Variants in TMC5 observed in about 807,000 individuals in gnomAD.
TMC5 encodes transmembrane channel-like protein 5.
A neutral mutation model predicts 110.5 loss-of-function variants in TMC5; 86 were observed. That is an observed-to-expected ratio of 0.78 (90% CI 0.65 to 0.93). The LOEUF (loss-of-function observed/expected upper bound fraction) is 0.93, where lower values mean the gene tolerates loss of function less well. TMC5 is among the 40% of genes least tolerant of loss of function. TMC5 has a pLI of 0.00. For synonymous variants in TMC5, 455 were observed against 439.5 expected (o/e 1.04, Z -0.44); for missense variants, 1,144 against 1,222.8 (o/e 0.94, Z 0.96).
intron 4 of TMC5, among the ~76,000 whole-genome samples, chr16:19,445,405 GCA>G (rs1206387537): frequency 1.3e-5 from 2 of 151,884 alleles, no homozygotes; most frequent in Non-Finnish European, 2.9e-5. Flanking sequence ...ACCATGCCTG[GCA>G]CTTTTTTTAT....
intron 5 of TMC5, among the ~76,000 whole-genome samples, chr16:19,454,649 T>A (rs549864540): frequency 6.6e-6 from 1 of 152,162 alleles, no homozygotes; most frequent in Non-Finnish European, 1.5e-5. Flanking sequence ...TAGTTCAATT[T>A]TGACATTTAA....
chr16:19,492,447 T>C, intron 19 of TMC5: 2 of 366,814 alleles, frequency 5.5e-6, no homozygotes, highest in East Asian at 8.4e-5. Context: ...ATTATGATGA[T>C]TATTATTATT....
rs112601330 is a variant in TMC5, at chr16:19,431,544, GAAA to G, written c.-80+917_-80+919del. ...GCAACAGGAGGGACCTTCCATCTCA[GAAA>G]AAAAAAAAAAAAGAAGAAGAAGAAG... On this transcript the variant is annotated intron_variant, in intron 2 of 21. Transcript: ENST00000542583. 5.6e-5 allele frequency among the ~76,000 whole-genome samples: 7 copies of G among 124,352 alleles called. No individual in the cohort carries two copies. In the East Asian group the frequency reaches 7.0e-4, roughly 12 times the overall value. The allele number at this position is 124,352 out of a possible 152,430, so 81.6% of individuals were successfully genotyped here.
chr16:19,460,681 C>T (rs912733877), intron 6 of TMC5, among the ~76,000 whole-genome samples: 8 of 152,180 alleles, frequency 5.3e-5, no homozygotes, highest in African/African-American at 1.9e-4. Flanking sequence ...ATGGGGGAAA[C>T]ATGTCTCCTC....
chr16:19,463,835 GA>G lies in TMC5; in HGVS notation c.1298del (p.Lys433ArgfsTer3). The G allele has an allele frequency of 6.2e-7, 1 of 1,614,232 alleles. No individual in the cohort carries two copies. On this transcript the variant is annotated frameshift_variant, in exon 8 of 22. Coordinates refer to ENST00000542583, the MANE Select transcript of TMC5 (RefSeq NM_001261841.2). LOFTEE classifies it high-confidence loss of function. ...TTCTGAATTCCATCAGCCTGTGGCA[GA>G]AGACGCTGAAGATCATTGGAGGCAA... ...EILNSISLWQ[K>X]TLKIIGGKFG...
At chr16:19,421,993 G>A (rs540893021) in intron 1 of TMC5, among the ~76,000 whole-genome samples, 1 of 151,874 alleles carries the variant, frequency 6.6e-6, no homozygotes, top group Non-Finnish European at 1.5e-5. Context: ...TACTTTGGAA[G>A]GCCGAGGTGG....
At chr16:19,456,031 C>A (rs1296257267) in intron 5 of TMC5, among the ~76,000 whole-genome samples, 1 of 151,848 alleles carries the variant, frequency 6.6e-6, no homozygotes, top group African/African-American at 2.4e-5. Flanking sequence ...CGTGGTGAAA[C>A]CCCGTCTCTA....
intron 18 of TMC5, among the ~76,000 whole-genome samples, chr16:19,490,972 T>TC (rs1310144733): frequency 1.6e-4 from 11 of 70,774 alleles, no homozygotes; most frequent in South Asian, 8.3e-4. Flanking sequence ...TCCCTTCCCT[T>TC]CCCTTCCCCT....
At chr16:19,466,964 C>T (rs2143612772) in intron 9 of TMC5, among the ~76,000 whole-genome samples, 1 of 151,952 alleles carries the variant, frequency 6.6e-6, no homozygotes, top group South Asian at 2.1e-4. Context: ...GGGCAACATA[C>T]CAAAACCCCA....
chr16:19,486,289 T>G (rs1968738588), intron 15 of TMC5, among the ~76,000 whole-genome samples: 2 of 152,174 alleles, frequency 1.3e-5, no homozygotes, highest in Admixed American at 1.3e-4. Flanking sequence ...GGGATCTGTC[T>G]CAAGCCTCTC....
At chr16:19,460,882 G>A (rs1408138122) in intron 6 of TMC5, among the ~76,000 whole-genome samples, 1 of 152,226 alleles carries the variant, frequency 6.6e-6, no homozygotes, top group Non-Finnish European at 1.5e-5. Flanking sequence ...CAGGCTGGGT[G>A]TGGTGGCTCA....
intron 14 of TMC5, among the ~76,000 whole-genome samples, chr16:19,481,129 T>A (rs1292646192): frequency 6.6e-6 from 1 of 152,216 alleles, no homozygotes; most frequent in Non-Finnish European, 1.5e-5. Flanking sequence ...TAGAATTTTT[T>A]AAATCACTTT....
chr16:19,463,139 C>A (rs990853049), intron 6 of TMC5, 141 bp from the exon 7 acceptor site: 1 of 671,006 alleles, frequency 1.5e-6, no homozygotes, highest in South Asian at 1.7e-5. Context: ...TCAGGCTGGT[C>A]TTGAACTCCT....
At chr16:19,447,020 T>TAACAAC (rs59897298) in intron 4 of TMC5, among the ~76,000 whole-genome samples, 4,509 of 151,816 alleles carry the variant, frequency 0.03, 239 homozygotes, top group African/African-American at 0.1. Context: ...ACTGAGTTAA[T>TAACAAC]AACAACAACA....
At chr16:19,443,297 A>C (rs1333327751) in intron 3 of TMC5, among the ~76,000 whole-genome samples, 3 of 152,102 alleles carry the variant, frequency 2.0e-5, no homozygotes, top group Non-Finnish European at 4.4e-5. Context: ...TTTTCATAGC[A>C]TTTCCTTTAT....
At chr16:19,486,623 C>CA (rs1968747667) in intron 15 of TMC5, among the ~76,000 whole-genome samples, 1 of 152,036 alleles carries the variant, frequency 6.6e-6, no homozygotes, top group South Asian at 2.1e-4. Flanking sequence ...GTGATTCACC[C>CA]CCTCTTGGCC....
rs1415460345 is a variant in TMC5, at chr16:19,498,070, T to C, written c.*104T>C. On this transcript the variant is annotated 3_prime_UTR_variant, in exon 22 of 22. Coordinates refer to ENST00000542583, the MANE Select transcript of TMC5 (RefSeq NM_001261841.2). ...CCTTTAGGAACTGCCCAGAAGAAAATCCAAGGCTTTAGCCAGGAGCGGAAA... is the reference window on the plus strand; with the variant it reads ...CCTTTAGGAACTGCCCAGAAGAAAACCCAAGGCTTTAGCCAGGAGCGGAAA... 20 of 1,177,534 alleles carry C rather than the reference T, an allele frequency of 1.7e-5. No homozygotes were observed. Among genetic ancestry groups the C allele is most frequent in the East Asian group, 7.1e-5 (3 of 42,442 alleles). 72.9% of individuals were successfully genotyped at this position (1,177,534 alleles called of 1,614,324 possible). A position where few individuals can be genotyped will look rare whatever the true frequency, so the allele number is the denominator to read the frequency against.
intron 13 of TMC5, among the ~76,000 whole-genome samples, chr16:19,478,775 T>C (rs531947811): frequency 5.9e-5 from 9 of 152,098 alleles, no homozygotes; most frequent in African/African-American, 1.7e-4. Flanking sequence ...TCCATCTATA[T>C]ACCCATCTAT....
intron 19 of TMC5, among the ~76,000 whole-genome samples, chr16:19,492,548 C>T (rs370752843): frequency 2.5e-4 from 38 of 152,076 alleles, no homozygotes; most frequent in African/African-American, 9.2e-4. Flanking sequence ...AGGGTTCAAG[C>T]GATTCTCCTG....
Sources: gnomAD v4.1 joint callset for allele counts (sites outside exome capture counted in the v4.1 genomes callset) on GRCh38, gnomAD v4.1.1 for gene constraint, MANE v1.5 for transcripts, NCBI Gene and HGNC (gene_info 2026-07-23, HGNC 2026-07-21) for gene names.